Variants in CSNK1G1 observed in about 807,000 individuals in gnomAD.
CSNK1G1 encodes casein kinase I isoform gamma-1.
In CSNK1G1, 22 loss-of-function variants were observed where a neutral mutation model predicts 59.6. The observed-to-expected ratio is 0.37, with a 90% confidence interval of 0.26 to 0.53. The LOEUF (loss-of-function observed/expected upper bound fraction) is 0.53, where lower values mean the gene tolerates loss of function less well. CSNK1G1 is among the 20% of genes least tolerant of loss of function. CSNK1G1 has a pLI of 0.89. For synonymous variants in CSNK1G1, 179 were observed against 177.1 expected, an observed-to-expected ratio of 1.01 and a Z score of -0.08; for missense variants, 384 against 519.5, an observed-to-expected ratio of 0.74 and a Z score of 2.54.
chr15:64,186,832 C>CTT (rs11398558), intron 10 of CSNK1G1, among the ~76,000 whole-genome samples: 59 of 150,836 alleles, frequency 3.9e-4, no homozygotes, highest in African/African-American at 1.4e-3. Flanking sequence ...ATTTTTTTCT[C>CTT]TTTTTTTTTG....
Position 64,173,918 on chromosome 15 carries a change from T to C in CSNK1G1, c.1215-1933A>G, listed in dbSNP as rs552502018. Among the ~76,000 whole-genome samples the C allele has an allele frequency of 1.4e-4, 22 of 152,202 alleles. No homozygotes were observed. In the South Asian group the frequency reaches 4.1e-3, roughly 29 times the overall value. The stretch of plus-strand genomic sequence containing the variant: ...TGTAAGCCACTATGCCTGGCCCAAA[T>C]AGTGTTTTTCTATACGTAATGCTTT... On this transcript the variant is annotated intron_variant, in intron 11 of 11. Transcript: ENST00000303052.
At chr15:64,204,300 T>C in intron 9 of CSNK1G1, 141 bp downstream of exon 9, 1 of 628,728 alleles carries the variant, frequency 1.6e-6, no homozygotes, top group East Asian at 3.0e-5. Context: ...CAGACAAGGC[T>C]AGTAAATATA....
chr15:64,320,314 A>G (rs1031550920), intron 1 of CSNK1G1, among the ~76,000 whole-genome samples: 7 of 152,094 alleles, frequency 4.6e-5, no homozygotes, highest in African/African-American at 1.7e-4. Flanking sequence ...GAAGGTGTAG[A>G]GTGGCAAAGT....
At chr15:64,269,682 C>A (rs554370750) in intron 2 of CSNK1G1, among the ~76,000 whole-genome samples, 1 of 152,078 alleles carries the variant, frequency 6.6e-6, no homozygotes, top group African/African-American at 2.4e-5. Context: ...TTAGCAGAGA[C>A]AGGGTTTTGC....
At chr15:64,338,961 G>A (rs1346347420) in intron 1 of CSNK1G1, among the ~76,000 whole-genome samples, 2 of 151,906 alleles carry the variant, frequency 1.3e-5, no homozygotes, top group South Asian at 2.1e-4. Context: ...AGATAGCAGT[G>A]AGCCAAGATC....
chr15:64,321,735 C>T (rs1896577251), intron 1 of CSNK1G1, among the ~76,000 whole-genome samples: 1 of 152,128 alleles, frequency 6.6e-6, no homozygotes, highest in African/African-American at 2.4e-5. Flanking sequence ...AGTGTCTGGT[C>T]AAACACCTAA....
At chr15:64,276,790 C>CA (rs1459026889) in intron 2 of CSNK1G1, among the ~76,000 whole-genome samples, 3 of 151,712 alleles carry the variant, frequency 2.0e-5, no homozygotes, top group East Asian at 3.9e-4. Flanking sequence ...ATAAAAAATA[C>CA]AAAAAAATTA....
At chr15:64,219,848 A>G (rs1243482986) in intron 4 of CSNK1G1, among the ~76,000 whole-genome samples, 2 of 146,448 alleles carry the variant, frequency 1.4e-5, no homozygotes, top group Non-Finnish European at 3.0e-5. Context: ...ATCTCAGCTC[A>G]ATGCAACCTC....
At chr15:64,320,670 C>A (rs1375263094) in intron 1 of CSNK1G1, among the ~76,000 whole-genome samples, 1 of 138,464 alleles carries the variant, frequency 7.2e-6, no homozygotes, top group East Asian at 2.1e-4. Context: ...CAGAACAAGG[C>A]TCCATCACAA....
At chr15:64,234,247 GT>G (rs1411668970) in intron 4 of CSNK1G1, among the ~76,000 whole-genome samples, 1 of 151,874 alleles carries the variant, frequency 6.6e-6, no homozygotes, top group Non-Finnish European at 1.5e-5. Flanking sequence ...GCAACTTTTT[GT>G]TTTTAACATG....
chr15:64,225,014 T>C (rs2082439652), intron 4 of CSNK1G1, among the ~76,000 whole-genome samples: 1 of 150,246 alleles, frequency 6.7e-6, no homozygotes, highest in Non-Finnish European at 1.5e-5. Context: ...TTCTTTTTTT[T>C]TTTTTTTTTT....
chr15:64,273,773 T>C (rs1339260688), intron 2 of CSNK1G1, among the ~76,000 whole-genome samples: 2 of 151,856 alleles, frequency 1.3e-5, no homozygotes, highest in African/African-American at 2.4e-5. Context: ...TTAAGAGAGT[T>C]TGCAATTTTG....
intron 1 of CSNK1G1, among the ~76,000 whole-genome samples, chr15:64,322,052 A>G (rs1220272837): frequency 6.6e-6 from 1 of 152,226 alleles, no homozygotes; most frequent in Non-Finnish European, 1.5e-5. Context: ...GCCTTCTGAA[A>G]TCAATATTCT....
rs1482701032 is a variant in CSNK1G1 at position 64,300,543 on chromosome 15, A to G, written c.-44T>C. On this transcript the variant is annotated 5_prime_UTR_variant, in exon 2 of 12. Transcript: ENST00000303052. ...CTCCTATAGTACAGCAAGTAGCTTC[A>G]GTATGTATACCTCTCTTCAATACAA... The G allele has an allele frequency of 1.3e-6, 2 of 1,589,640 alleles. No individual in the cohort carries two copies. The highest frequency in any genetic ancestry group is 2.7e-5 in the African/African-American group (2 of 74,214).
chr15:64,276,901 C>A (rs981942304), intron 2 of CSNK1G1, among the ~76,000 whole-genome samples: 1 of 148,496 alleles, frequency 6.7e-6, no homozygotes, highest in Non-Finnish European at 1.5e-5. Flanking sequence ...GAGCCAAGAT[C>A]GCACCAGTGC....
chr15:64,224,521 T>A (rs2082431512), intron 4 of CSNK1G1, among the ~76,000 whole-genome samples: 1 of 152,172 alleles, frequency 6.6e-6, no homozygotes, highest in African/African-American at 2.4e-5. Context: ...ATATCTTTTT[T>A]AAAAAAGAAC....
intron 10 of CSNK1G1, among the ~76,000 whole-genome samples, chr15:64,198,560 T>C (rs1054585698): frequency 2.0e-5 from 3 of 152,082 alleles, no homozygotes; most frequent in African/African-American, 7.2e-5. Flanking sequence ...TGAGTCAAAG[T>C]TGCTGATGAA....
At chr15:64,304,670 A>G (rs1405708528) in intron 1 of CSNK1G1, among the ~76,000 whole-genome samples, 2 of 152,232 alleles carry the variant, frequency 1.3e-5, no homozygotes, top group Admixed American at 6.5e-5. Context: ...AAGTTTCACT[A>G]ATTTACTGTT....
chr15:64,180,677 G>A lies in CSNK1G1; in HGVS notation c.1108-223C>T, dbSNP rs74738229. Among the ~76,000 whole-genome samples the A allele has an allele frequency of 6.9e-3, 1,051 of 152,214 alleles. 14 individuals are homozygous for A. Among genetic ancestry groups the A allele is most frequent in the African/African-American group, 0.024 (997 of 41,502 alleles). ...AACTTACATACTGAGTGCCTACTCC[G>A]TGTCTGACACTCTGCTACATTGTGT... On this transcript the variant is annotated intron_variant, in intron 10 of 11. Coordinates refer to ENST00000303052, the MANE Select transcript of CSNK1G1 (RefSeq NM_022048.5).
Sources: gnomAD v4.1 joint callset for allele counts (sites outside exome capture counted in the v4.1 genomes callset) on GRCh38, gnomAD v4.1.1 for gene constraint, MANE v1.5 for transcripts, NCBI Gene and HGNC (gene_info 2026-07-23, HGNC 2026-07-21) for gene names.